The following EPN2 variants were observed in gnomAD, a reference collection of about 807,000 sequenced individuals.
The protein encoded by EPN2 is epsin 2, also known as epsin-2.
Under a neutral mutation model 61.7 loss-of-function variants are expected in EPN2, and 34 were observed. The observed-to-expected ratio is 0.55, with a 90% confidence interval of 0.42 to 0.73. The LOEUF is 0.73. Among genes scored for constraint, EPN2 ranks in the 30% least tolerant of loss-of-function variants. The pLI is 0.00. For missense variants in EPN2, 714 were observed against 839.2 expected, an observed-to-expected ratio of 0.85 and a Z score of 1.84; for synonymous variants, 349 against 353.6, an observed-to-expected ratio of 0.99 and a Z score of 0.15.
At chr17:19,319,907 G>A (rs1906565431) in intron 7 of EPN2, among the ~76,000 whole-genome samples, 1 of 152,234 alleles carries the variant, frequency 6.6e-6, no homozygotes, top group Non-Finnish European at 1.5e-5. Flanking sequence ...GCCTCCCCAA[G>A]TGTTGGGATT....
intron 7 of EPN2, 135 bp from the exon 8 acceptor site, chr17:19,328,576 G>A: frequency 2.5e-6 from 2 of 803,740 alleles, no homozygotes; most frequent in East Asian, 2.8e-5. Flanking sequence ...GCGTGGGACA[G>A]TACCCTTTTG....
intron 1 of EPN2, among the ~76,000 whole-genome samples, chr17:19,246,775 T>TTC (rs1267121628): frequency 1.3e-5 from 2 of 148,360 alleles, no homozygotes; most frequent in African/African-American, 5.0e-5. Context: ...GCCTTTTTTT[T>TTC]TTTTTTTTTT....
At chr17:19,315,202 C>T (rs1906329400) in intron 7 of EPN2, among the ~76,000 whole-genome samples, 2 of 152,354 alleles carry the variant, frequency 1.3e-5, no homozygotes, top group East Asian at 3.9e-4. Flanking sequence ...TATGCCCAGC[C>T]CCTCCTTTGG....
chr17:19,239,239 C>T (rs2044855684), intron 1 of EPN2, among the ~76,000 whole-genome samples: 1 of 152,254 alleles, frequency 6.6e-6, no homozygotes, highest in Non-Finnish European at 1.5e-5. Flanking sequence ...CCTCCGCCTC[C>T]TGGGTTCAAG....
In EPN2 at chr17:19,285,312, G is replaced by A. The variant is rs1330942878; in HGVS notation, c.596-308G>A. Among the ~76,000 whole-genome samples, 1 of 152,272 alleles carries A rather than the reference G, an allele frequency of 6.6e-6. No individual in the cohort carries two copies. Among genetic ancestry groups the A allele is most frequent in the Non-Finnish European group, 1.5e-5 (1 of 68,054 alleles). On this transcript the variant is annotated intron_variant, in intron 3 of 10. Coordinates refer to ENST00000314728, the MANE Select transcript of EPN2 (RefSeq NM_014964.5). This position sits in a 1 kb window ranked among gnomAD's most constrained non-coding sequence, Gnocchi z 4.5. ...TTGCAGATGCAGGGGTTGGAACAGT[G>A]GGGATGCAGGAGCCTGGTTTGATCC...
chr17:19,309,532 G>A (rs1324941698), intron 4 of EPN2, among the ~76,000 whole-genome samples: 6 of 152,172 alleles, frequency 3.9e-5, no homozygotes, highest in Non-Finnish European at 8.8e-5. Context: ...CTGTTCAAGA[G>A]CTATACTTTG....
intron 4 of EPN2, among the ~76,000 whole-genome samples, chr17:19,295,401 G>A (rs1341138152): frequency 6.6e-6 from 1 of 151,444 alleles, no homozygotes; most frequent in East Asian, 1.9e-4. Flanking sequence ...GTGTAGTGGT[G>A]CATGCCTGTA....
chr17:19,258,043 AG>A (rs2045100950), intron 1 of EPN2: 1 of 153,484 alleles, frequency 6.5e-6, no homozygotes, highest in Non-Finnish European at 1.5e-5. Context: ...GGAGGCCAGG[AG>A]GGAGCTGTCT....
At chr17:19,308,367 C>G in intron 4 of EPN2, 1 of 985,286 alleles carries the variant, frequency 1.0e-6, no homozygotes, top group Non-Finnish European at 1.2e-6. Context: ...AGCCGCCATG[C>G]CCGGCACAAT....
At chr17:19,245,354 A>G (rs1462953964) in intron 1 of EPN2, among the ~76,000 whole-genome samples, 2 of 151,946 alleles carry the variant, frequency 1.3e-5, no homozygotes, top group African/African-American at 2.4e-5. Flanking sequence ...TGTGGGTACT[A>G]AGGACTGAAA....
chr17:19,278,966 G>A (rs923800286), intron 1 of EPN2, among the ~76,000 whole-genome samples: 1 of 152,168 alleles, frequency 6.6e-6, no homozygotes. Context: ...TGAGGATTTC[G>A]AAAGCTGCTC....
chr17:19,322,503 T>A (rs371064464), intron 7 of EPN2, among the ~76,000 whole-genome samples: 5 of 151,598 alleles, frequency 3.3e-5, no homozygotes, highest in South Asian at 2.1e-4. Flanking sequence ...AATAATATAT[T>A]TTTACGTAAG....
chr17:19,255,740 A>C (rs574059076), intron 1 of EPN2, among the ~76,000 whole-genome samples: 1 of 151,432 alleles, frequency 6.6e-6, no homozygotes, highest in East Asian at 1.9e-4. Context: ...TTCCCTCCTC[A>C]GCCTCCTGAG....
At chr17:19,261,100 C>T (rs1426046238) in intron 1 of EPN2, among the ~76,000 whole-genome samples, 1 of 152,192 alleles carries the variant, frequency 6.6e-6, no homozygotes, top group East Asian at 1.9e-4. Flanking sequence ...TGCAGTGGTC[C>T]TGCAGGGTGG....
chr17:19,300,029 G>A (rs1002041270), intron 4 of EPN2, among the ~76,000 whole-genome samples: 2 of 152,264 alleles, frequency 1.3e-5, no homozygotes, highest in South Asian at 2.1e-4. Flanking sequence ...CCGGCTGGAA[G>A]CAGTTGAACG....
At chr17:19,323,006 G>C (rs1289040330) in intron 7 of EPN2, among the ~76,000 whole-genome samples, 1 of 152,130 alleles carries the variant, frequency 6.6e-6, no homozygotes, top group African/African-American at 2.4e-5. Context: ...AGCATTCCCT[G>C]GTCTTCTGAG....
At chr17:19,262,512 T>G (rs1478140715) in intron 1 of EPN2, among the ~76,000 whole-genome samples, 1 of 152,184 alleles carries the variant, frequency 6.6e-6, no homozygotes, top group African/African-American at 2.4e-5. Flanking sequence ...CAAAAACAGT[T>G]TTATTGATGC....
At chr17:19,249,860 C>T (rs747250478) in intron 1 of EPN2, among the ~76,000 whole-genome samples, 4 of 152,124 alleles carry the variant, frequency 2.6e-5, no homozygotes, top group Non-Finnish European at 4.4e-5. Flanking sequence ...GCTGGAGGCT[C>T]TGGGGGGGAA....
Position 19,283,986 on chromosome 17 carries a change from G to A in EPN2, c.595+272G>A, listed in dbSNP as rs2045381904. ...TTCTGTACATCTGGGCAGACGGTGG[G>A]CAGAGGCAGGTCTTTTCTGCTTCCT... On this transcript the variant is annotated intron_variant, in intron 3 of 10. Coordinates refer to ENST00000314728, the MANE Select transcript of EPN2 (RefSeq NM_014964.5). This position sits in a 1 kb window ranked among gnomAD's most constrained non-coding sequence, Gnocchi z 7.0. Among the ~76,000 whole-genome samples the A allele has an allele frequency of 6.6e-6, 1 of 152,298 alleles. No homozygotes were observed. Among genetic ancestry groups the A allele is most frequent in the East Asian group, 1.9e-4 (1 of 5,184 alleles).
Sources: allele counts gnomAD v4.1 joint callset (sites outside exome capture counted in the v4.1 genomes callset), GRCh38; gene constraint gnomAD v4.1.1; non-coding constraint Gnocchi (gnomAD v3.1); transcripts MANE v1.5; gene names NCBI Gene and HGNC (gene_info 2026-07-23, HGNC 2026-07-21).